The following FXR1 variants were observed in gnomAD, a reference collection of about 807,000 sequenced individuals.
FXR1 encodes the protein RNA-binding protein FXR1.
In FXR1, 15 loss-of-function variants were observed where a neutral mutation model predicts 84.0. The ratio of observed to expected loss-of-function variants is 0.18; its 90% CI spans 0.12 to 0.27. The LOEUF is 0.27. FXR1 is among the 10% of genes least tolerant of loss of function. The probability of loss-of-function intolerance (pLI) is 1.00; values close to 1 mark genes in which losing one functional copy is unlikely to be tolerated. For missense variants in FXR1, 480 were observed against 774.4 expected (o/e 0.62, Z 4.51); for synonymous variants, 245 against 250.7 (o/e 0.98, Z 0.21).
At chr3:180,971,120 G>A (rs1188270000) in intron 15 of FXR1, 2 of 1,277,886 alleles carry the variant, frequency 1.6e-6, no homozygotes, top group Admixed American at 2.4e-5. Context: ...AGCCGCAGGC[G>A]TCGCTTCAGG....
At chr3:180,928,980 T>C (rs971070199) in intron 1 of FXR1, among the ~76,000 whole-genome samples, 1 of 152,056 alleles carries the variant, frequency 6.6e-6, no homozygotes, top group Admixed American at 6.6e-5. Flanking sequence ...TGGAGTGCAA[T>C]GCGCTTTCTC....
intron 15 of FXR1, chr3:180,971,210 T>G (rs1392646125): frequency 1.6e-5 from 6 of 381,566 alleles, no homozygotes; most frequent in Non-Finnish European, 2.2e-5. Flanking sequence ...AAAAAATGTC[T>G]ATGTCTGCTT....
At chr3:180,912,820 T>G (rs1485827059) in intron 1 of FXR1, 84 bp downstream of exon 1, 8 of 1,605,044 alleles carry the variant, frequency 5.0e-6, no homozygotes, top group Non-Finnish European at 6.8e-6. Flanking sequence ...GAGAGTGAGG[T>G]TTGGGGTCGG....
At chr3:180,918,039 A>G (rs1321341729) in intron 1 of FXR1, among the ~76,000 whole-genome samples, 2 of 152,102 alleles carry the variant, frequency 1.3e-5, no homozygotes, top group African/African-American at 4.8e-5. Context: ...CATAATTACG[A>G]AAAATATGAA....
At chr3:180,919,936 G>C (rs1197993755) in intron 1 of FXR1, among the ~76,000 whole-genome samples, 2 of 152,168 alleles carry the variant, frequency 1.3e-5, no homozygotes, top group Non-Finnish European at 2.9e-5. Flanking sequence ...AAAGTGCTGG[G>C]ATTACAGGCA....
chr3:180,930,632 A>G (rs1719776102), intron 1 of FXR1, among the ~76,000 whole-genome samples: 1 of 152,210 alleles, frequency 6.6e-6, no homozygotes, highest in Non-Finnish European at 1.5e-5. Flanking sequence ...ACTAATATTC[A>G]TAAACATGGA....
intron 13 of FXR1, among the ~76,000 whole-genome samples, chr3:180,964,379 T>C (rs1712525836): frequency 6.6e-6 from 1 of 152,172 alleles, no homozygotes; most frequent in African/African-American, 2.4e-5. Context: ...ATTCATTGAA[T>C]AATTTTATTA....
intron 11 of FXR1, among the ~76,000 whole-genome samples, chr3:180,962,403 G>A (rs935905517): frequency 2.0e-5 from 3 of 152,270 alleles, no homozygotes; most frequent in East Asian, 1.9e-4. Context: ...TTTGCATCCT[G>A]TAATGACCTC....
intron 1 of FXR1, among the ~76,000 whole-genome samples, chr3:180,926,139 A>C (rs1719148727): frequency 6.6e-6 from 1 of 152,180 alleles, no homozygotes; most frequent in Non-Finnish European, 1.5e-5. Context: ...AAAAAAAGTA[A>C]TTTCTGACTG....
chr3:180,957,715 A>T, intron 9 of FXR1, 104 bp from the exon 10 acceptor site: 1 of 591,854 alleles, frequency 1.7e-6, no homozygotes, highest in Middle Eastern at 4.7e-4. Context: ...GCTTCACTTG[A>T]TGGTTGTAAT....
chr3:180,957,809 C>G lies in FXR1; in HGVS notation c.881-10C>G. The G allele has an allele frequency of 7.8e-7, 1 of 1,285,298 alleles. No homozygotes were observed. Among genetic ancestry groups the G allele is most frequent in the Non-Finnish European group, 1.1e-6 (1 of 892,094 alleles). 79.6% of individuals were successfully genotyped at this position (1,285,298 alleles called of 1,614,324 possible). Reference sequence around the variant, plus strand: ...TAGCTTACCATTGTATTTGTTTTCTCTTACTAAAGGAAAAGTAATTGGAAA... The same window carrying G: ...TAGCTTACCATTGTATTTGTTTTCTGTTACTAAAGGAAAAGTAATTGGAAA... On this transcript the variant is annotated splice_polypyrimidine_tract_variant and intron_variant, in intron 9 of 16. Transcript: ENST00000357559.
intron 1 of FXR1, among the ~76,000 whole-genome samples, chr3:180,922,586 C>T (rs1718711093): frequency 6.6e-6 from 1 of 152,070 alleles, no homozygotes; most frequent in South Asian, 2.1e-4. Context: ...AGAGTGTCCA[C>T]TCTCCCACCT....
rs183796587 is a variant in FXR1, at chr3:180,980,628, A to G, written c.*4336A>G. On this transcript the variant is annotated 3_prime_UTR_variant, in exon 17 of 17. Transcript: ENST00000357559. The stretch of plus-strand genomic sequence containing the variant: ...AAGAAAAATGTAAACATATATTTGA[A>G]ATTTCATTAACTGAAACTGCTGTAA... The G allele has an allele frequency of 5.5e-4, 83 of 152,166 alleles. No individual in the cohort carries two copies. Among genetic ancestry groups the G allele is most frequent in the Middle Eastern group, 3.4e-3 (1 of 294 alleles). The allele number at this position is 152,166 out of a possible 1,614,324, so 9.4% of individuals were successfully genotyped here.
At chr3:180,917,744 C>G (rs1353569265) in intron 1 of FXR1, among the ~76,000 whole-genome samples, 11 of 151,830 alleles carry the variant, frequency 7.2e-5, no homozygotes, top group Admixed American at 7.2e-4. Context: ...GTCAGGAGTT[C>G]GAGACCAGCC....
intron 1 of FXR1, among the ~76,000 whole-genome samples, chr3:180,918,021 G>A (rs1208356686): frequency 2.0e-5 from 3 of 148,432 alleles, no homozygotes; most frequent in Non-Finnish European, 4.5e-5. Context: ...TGTATTAGAA[G>A]AGCAACACAT....
rs114209918 is a variant in FXR1, at chr3:180,941,757, G to A, written c.199-6108G>A. Among the ~76,000 whole-genome samples the A allele has an allele frequency of 4.5e-3, 690 of 152,230 alleles. 10 individuals carry two copies. Among genetic ancestry groups the A allele is most frequent in the African/African-American group, 0.016 (660 of 41,520 alleles). ...TTGATATAGTAAAGAAAGCTGGTAG[G>A]AAACTGATTTGTTAAAGTGTCAGCC... On this transcript the variant is annotated intron_variant, in intron 3 of 16. Coordinates refer to ENST00000357559, the MANE Select transcript of FXR1 (RefSeq NM_005087.4).
intron 1 of FXR1, among the ~76,000 whole-genome samples, chr3:180,918,052 C>T (rs1718121133): frequency 6.6e-6 from 1 of 150,822 alleles, no homozygotes; most frequent in South Asian, 2.1e-4. Context: ...AATATGAAAG[C>T]AGAAAAGCAC....
chr3:180,968,727 G>C (rs1363938897), intron 14 of FXR1, among the ~76,000 whole-genome samples: 1 of 152,158 alleles, frequency 6.6e-6, no homozygotes, highest in Non-Finnish European at 1.5e-5. Context: ...AATTAACTAA[G>C]TTTTTTAATT....
chr3:180,932,773 T>G (rs1052337682), intron 1 of FXR1, among the ~76,000 whole-genome samples: 3 of 152,008 alleles, frequency 2.0e-5, no homozygotes, highest in African/African-American at 7.3e-5. Context: ...CAAAATGGAG[T>G]CATGCATTTT....
Sources: allele counts gnomAD v4.1 joint callset (sites outside exome capture counted in the v4.1 genomes callset), GRCh38; gene constraint gnomAD v4.1.1; transcripts MANE v1.5; gene names NCBI Gene and HGNC (gene_info 2026-07-23, HGNC 2026-07-21).